The following ZC3H3 variants were observed in gnomAD, a reference collection of about 807,000 sequenced individuals.
The protein encoded by ZC3H3 is zinc finger CCCH domain-containing protein 3.
A neutral mutation model predicts 77.3 loss-of-function variants in ZC3H3; 36 were observed. The ratio of observed to expected loss-of-function variants is 0.47; its 90% CI spans 0.36 to 0.61. ZC3H3 has a LOEUF of 0.61. Ranked by LOEUF, ZC3H3 falls within the 20% of genes least tolerant of loss-of-function variation. The pLI, the probability that ZC3H3 is intolerant of heterozygous loss-of-function variation, is 0.00. For missense variants in ZC3H3, 1,331 were observed against 1,312.2 expected (o/e 1.01, Z -0.22); for synonymous variants, 626 against 555.2 (o/e 1.13, Z -1.79).
At position 143,462,036 on chromosome 8, in the gene ZC3H3, A is replaced by C. The variant is rs2129853734; in HGVS notation, c.2307+3681T>G. Among the ~76,000 whole-genome samples, 1 of 152,070 alleles carries C rather than the reference A, an allele frequency of 6.6e-6. No individual in the cohort carries two copies. The highest frequency in any genetic ancestry group is 2.1e-4 in the South Asian group (1 of 4,810). On this transcript the variant is annotated intron_variant, in intron 9 of 11. Transcript: ENST00000262577. This position sits in a 1 kb window ranked among gnomAD's most constrained non-coding sequence, Gnocchi z 4.7. ...AAGGGTTAGATCACCGTTGAGGGAAAGCACCCACGACATGAAGAAAAACTA... is the reference window on the plus strand; with the variant it reads ...AAGGGTTAGATCACCGTTGAGGGAACGCACCCACGACATGAAGAAAAACTA...
chr8:143,445,996 T>G (rs1819854584), intron 9 of ZC3H3, among the ~76,000 whole-genome samples: 1 of 152,194 alleles, frequency 6.6e-6, no homozygotes, highest in South Asian at 2.1e-4. Context: ...ATGGTTTGGC[T>G]CAGGGACAAA....
At chr8:143,466,069 A>C (rs1586891126) in intron 8 of ZC3H3, among the ~76,000 whole-genome samples, 1 of 152,218 alleles carries the variant, frequency 6.6e-6, no homozygotes, top group East Asian at 1.9e-4. Context: ...TGCTCTGTCC[A>C]GAGGAGGCAT....
chr8:143,478,007 G>A (rs922233904), intron 4 of ZC3H3, among the ~76,000 whole-genome samples: 1 of 152,134 alleles, frequency 6.6e-6, no homozygotes, highest in African/African-American at 2.4e-5. Flanking sequence ...TGGTAAGTCT[G>A]CACTCTCGGG....
At chr8:143,459,369 G>A (rs112157752) in intron 9 of ZC3H3, among the ~76,000 whole-genome samples, 323 of 152,224 alleles carry the variant, frequency 2.1e-3, no homozygotes, top group African/African-American at 7.1e-3. Flanking sequence ...CCAACATGGC[G>A]AAACCCGCGT....
At position 143,460,384 on chromosome 8, in the gene ZC3H3, A is replaced by C. The variant is rs1401700858; in HGVS notation, c.2307+5333T>G. Among the ~76,000 whole-genome samples the C allele has an allele frequency of 6.6e-6, 1 of 152,014 alleles. No homozygotes were observed. Reference sequence around the variant, plus strand: ...GAAAACCCTAAAGAATCCACACACAAAAAAAGTTAGAATAAAGAAATTCAA... The same window carrying C: ...GAAAACCCTAAAGAATCCACACACACAAAAAGTTAGAATAAAGAAATTCAA... On this transcript the variant is annotated intron_variant, in intron 9 of 11. Transcript: ENST00000262577. This position sits in a 1 kb window ranked among gnomAD's most constrained non-coding sequence, Gnocchi z 4.0.
chr8:143,492,347 C>T (rs997003363), intron 4 of ZC3H3, among the ~76,000 whole-genome samples: 27 of 152,132 alleles, frequency 1.8e-4, no homozygotes, highest in Admixed American at 1.6e-3. Context: ...TCCCTCCTCC[C>T]ACCAGGGCCT....
At chr8:143,507,221 C>T (rs1458297708) in intron 4 of ZC3H3, among the ~76,000 whole-genome samples, 4 of 152,302 alleles carry the variant, frequency 2.6e-5, no homozygotes, top group South Asian at 2.1e-4. Flanking sequence ...CCGACAGAGC[C>T]GCCCTCCCAG....
chr8:143,438,336 G>A (rs187288479), intron 11 of ZC3H3, among the ~76,000 whole-genome samples: 1 of 152,274 alleles, frequency 6.6e-6, no homozygotes, highest in Admixed American at 6.5e-5. Flanking sequence ...TGCAGGCTCA[G>A]TCTATGAGGT....
chr8:143,473,563 C>T (rs1423401505), intron 5 of ZC3H3, among the ~76,000 whole-genome samples: 3 of 152,230 alleles, frequency 2.0e-5, no homozygotes, highest in African/African-American at 7.2e-5. Context: ...CTGCTCTGCC[C>T]ACTGCCTCTA....
At chr8:143,527,668 T>G (rs1186761926) in intron 3 of ZC3H3, among the ~76,000 whole-genome samples, 1 of 152,192 alleles carries the variant, frequency 6.6e-6, no homozygotes, top group Admixed American at 6.5e-5. Context: ...CTAACTGCTC[T>G]CATGCCCTTT....
intron 3 of ZC3H3, among the ~76,000 whole-genome samples, chr8:143,528,368 CG>C (rs998192688): frequency 6.6e-6 from 1 of 152,236 alleles, no homozygotes; most frequent in African/African-American, 2.4e-5. Context: ...GGCCAGGCAG[CG>C]ACAGACACCC....
At position 143,472,757 on chromosome 8, in the gene ZC3H3, G is replaced by A. The variant is rs752361390; in HGVS notation, c.1903+2641C>T. 3.3e-5 allele frequency among the ~76,000 whole-genome samples: 5 copies of A among 152,354 alleles called. No homozygotes were observed. In the South Asian group the frequency reaches 8.3e-4, roughly 25 times the overall value. ...CCCAAGGGCCCCGGTGCGGGGAGACGGACCCATGCCACAAGCCCCTCCGTG... is the reference window on the plus strand; with the variant it reads ...CCCAAGGGCCCCGGTGCGGGGAGACAGACCCATGCCACAAGCCCCTCCGTG... On this transcript the variant is annotated intron_variant, in intron 5 of 11. Transcript: ENST00000262577.
At chr8:143,492,091 G>GA (rs903732764) in intron 4 of ZC3H3, among the ~76,000 whole-genome samples, 2 of 152,232 alleles carry the variant, frequency 1.3e-5, no homozygotes, top group African/African-American at 4.8e-5. Flanking sequence ...TGCCGAGAGG[G>GA]AATGGAGAGG....
intron 9 of ZC3H3, among the ~76,000 whole-genome samples, chr8:143,463,206 A>T (rs1820312725): frequency 6.6e-6 from 1 of 151,954 alleles, no homozygotes; most frequent in Non-Finnish European, 1.5e-5. Flanking sequence ...GCTGGTTTTG[A>T]ACTCCTGACC....
intron 5 of ZC3H3, among the ~76,000 whole-genome samples, chr8:143,473,343 T>C (rs1456570826): frequency 6.6e-6 from 1 of 152,190 alleles, no homozygotes; most frequent in Non-Finnish European, 1.5e-5. Flanking sequence ...TTTCAGCTCA[T>C]GAGAAAGGCC....
At chr8:143,505,336 G>A (rs1050988499) in intron 4 of ZC3H3, among the ~76,000 whole-genome samples, 30 of 152,222 alleles carry the variant, frequency 2.0e-4, no homozygotes, top group African/African-American at 7.2e-4. Context: ...TGGCTCTGAT[G>A]CAGCACCGGA....
At chr8:143,440,394 G>A (rs771372996) in intron 10 of ZC3H3, 31 bp from the exon 11 acceptor site, 2 of 1,499,366 alleles carry the variant, frequency 1.3e-6, no homozygotes, top group Non-Finnish European at 1.8e-6. Flanking sequence ...GACGTGTGAG[G>A]TGGGGTGACG....
At chr8:143,535,349 T>G (rs921162319) in intron 3 of ZC3H3, among the ~76,000 whole-genome samples, 4 of 152,134 alleles carry the variant, frequency 2.6e-5, no homozygotes, top group African/African-American at 9.7e-5. Flanking sequence ...TTGGCTAGAT[T>G]TCTGAGCACC....
Position 143,438,127 on chromosome 8 carries a change from TG to T in ZC3H3, c.2816-41del, listed in dbSNP as rs1215211178. The T allele has an allele frequency of 1.3e-5, 20 of 1,590,412 alleles. No individual in the cohort carries two copies. The Admixed American group carries it at 1.6e-4, about 13-fold the overall frequency. ...CAAAAGTTAGGTGCCCGGAAACCCC[TG>T]GAAGAACCTCCCCAGCCTGCAAAGC... On this transcript the variant is annotated intron_variant, in intron 11 of 11. Coordinates refer to ENST00000262577, the MANE Select transcript of ZC3H3 (RefSeq NM_015117.3).
Sources: gnomAD v4.1 joint callset for allele counts (sites outside exome capture counted in the v4.1 genomes callset) on GRCh38, gnomAD v4.1.1 for gene constraint, Gnocchi (gnomAD v3.1) non-coding constraint, MANE v1.5 for transcripts, NCBI Gene and HGNC (gene_info 2026-07-23, HGNC 2026-07-21) for gene names.